SCFD1: variants seen among roughly 807,000 people sequenced by gnomAD.
The protein encoded by SCFD1 is sec1 family domain containing 1.
In SCFD1, 37 loss-of-function variants were observed where a neutral mutation model predicts 103.2. The observed-to-expected ratio is 0.36, with a 90% confidence interval of 0.28 to 0.47. SCFD1 has a LOEUF of 0.47. Among genes scored for constraint, SCFD1 ranks in the 20% least tolerant of loss-of-function variants. The probability of loss-of-function intolerance (pLI) is 1.00; values close to 1 mark genes in which losing one functional copy is unlikely to be tolerated. For missense variants in SCFD1, 639 were observed against 761.2 expected (o/e 0.84, Z 1.89); for synonymous variants, 264 against 245.0 (o/e 1.08, Z -0.73).
At chr14:30,626,403 T>A (rs1324209680) in intron 1 of SCFD1, among the ~76,000 whole-genome samples, 1 of 151,994 alleles carries the variant, frequency 6.6e-6, no homozygotes, top group African/African-American at 2.4e-5. Flanking sequence ...AGCTAGGGAA[T>A]CAAAATGGCC....
intron 11 of SCFD1, among the ~76,000 whole-genome samples, chr14:30,672,403 T>C (rs1297765364): frequency 1.3e-5 from 2 of 152,140 alleles, no homozygotes; most frequent in African/African-American, 4.8e-5. Flanking sequence ...TAGTCTCCAT[T>C]GGATAAAATG....
At position 30,677,827 on chromosome 14, in the gene SCFD1, CTTTTTTTTTTT is replaced by C. The variant is rs58942207; in HGVS notation, c.1242+2783_1242+2793del. ...TGTGAACATACATTCACCTAAGCACCTTTTTTTTTTTTTTTTTTTTTTTTTTTTTTTGAGAC... is the reference window on the plus strand; with the variant it reads ...TGTGAACATACATTCACCTAAGCACCTTTTTTTTTTTTTTTTTTTTGAGAC... On this transcript the variant is annotated intron_variant, in intron 14 of 24. Transcript: ENST00000458591. 2.7e-4 allele frequency among the ~76,000 whole-genome samples: 18 copies of C among 67,514 alleles called. No individual in the cohort carries two copies. The East Asian group carries it at 3.0e-3, about 11-fold the overall frequency. The allele number at this position is 67,514 out of a possible 152,430, so 44.3% of individuals were successfully genotyped here.
chr14:30,649,044 G>A (rs1228085364), intron 7 of SCFD1, among the ~76,000 whole-genome samples: 1 of 150,998 alleles, frequency 6.6e-6, no homozygotes, highest in Non-Finnish European at 1.5e-5. Flanking sequence ...TCAATCCTTT[G>A]GAAAAAATGC....
At chr14:30,646,330 T>G (rs1331040630) in intron 7 of SCFD1, among the ~76,000 whole-genome samples, 1 of 152,188 alleles carries the variant, frequency 6.6e-6, no homozygotes, top group East Asian at 1.9e-4. Context: ...TGAGGGTTTT[T>G]TAAATGAAGT....
intron 3 of SCFD1, among the ~76,000 whole-genome samples, chr14:30,633,062 GA>G (rs1884343068): frequency 6.6e-6 from 1 of 152,156 alleles, no homozygotes; most frequent in African/African-American, 2.4e-5. Flanking sequence ...TAATTTGTAG[GA>G]AACAGTAATT....
intron 16 of SCFD1, among the ~76,000 whole-genome samples, chr14:30,701,145 A>G (rs1232433896): frequency 3.3e-5 from 5 of 152,172 alleles, no homozygotes; most frequent in Non-Finnish European, 5.9e-5. Flanking sequence ...TGCTGTTGTT[A>G]GTATCTGGTA....
rs1892722243 is a variant in SCFD1 at position 30,722,528 on chromosome 14, T to C, written c.1805T>C (p.Ile602Thr). The change falls in exon 23 of 25, where the codon ATT (isoleucine) becomes ACT (threonine). Residue 602 changes from isoleucine (I) to threonine (T), a missense_variant. Physicochemically the swap from Ile to Thr is moderately conservative, Grantham distance 89. Transcript: ENST00000458591. ...IVFVVGGGNY[I>T]EYQNLVDYIK... Reference sequence around the variant, plus strand: ...TTTGTGGTGGGAGGAGGCAACTACATTGAATATCAGAATCTTGTTGACTAC... The same window carrying C: ...TTTGTGGTGGGAGGAGGCAACTACACTGAATATCAGAATCTTGTTGACTAC... The C allele has an allele frequency of 6.2e-7, 1 of 1,604,418 alleles. No individual in the cohort carries two copies. Among genetic ancestry groups the C allele is most frequent in the South Asian group, 1.1e-5 (1 of 89,324 alleles).
chr14:30,690,765 C>T (rs757564728), intron 14 of SCFD1, among the ~76,000 whole-genome samples: 27 of 152,100 alleles, frequency 1.8e-4, no homozygotes, highest in East Asian at 3.9e-4. Context: ...AGAAATCACC[C>T]GTCTTCTGCG....
At chr14:30,683,517 C>A (rs1176304790) in intron 14 of SCFD1, 3 of 298,286 alleles carry the variant, frequency 1.0e-5, no homozygotes, top group Non-Finnish European at 1.9e-5. Context: ...ATGGGACCCC[C>A]AGCGGCACCC....
At chr14:30,628,034 G>A (rs183958694) in intron 1 of SCFD1, among the ~76,000 whole-genome samples, 175 bp from the exon 2 acceptor site, 92 of 152,242 alleles carry the variant, frequency 6.0e-4, no homozygotes, top group African/African-American at 2.0e-3. Context: ...TCAATTAGCT[G>A]TCGATGGAAT....
chr14:30,642,574 A>G (rs1010345615), intron 6 of SCFD1, among the ~76,000 whole-genome samples: 3 of 152,202 alleles, frequency 2.0e-5, no homozygotes, highest in Non-Finnish European at 2.9e-5. Context: ...AGAAATTTAT[A>G]TAACTTAATA....
At chr14:30,714,514 A>G (rs562694567) in intron 19 of SCFD1, among the ~76,000 whole-genome samples, 3 of 152,292 alleles carry the variant, frequency 2.0e-5, no homozygotes, top group Admixed American at 6.5e-5. Context: ...TTTAATTTTA[A>G]TTTTACTTGC....
chr14:30,640,471 A>C (rs538083638), intron 6 of SCFD1, among the ~76,000 whole-genome samples: 1 of 152,300 alleles, frequency 6.6e-6, no homozygotes, highest in Admixed American at 6.5e-5. Context: ...GTTTTCCTTA[A>C]GCCTTTAAAT....
At chr14:30,633,761 C>A (rs1162469364) in intron 3 of SCFD1, among the ~76,000 whole-genome samples, 186 bp from the exon 4 acceptor site, 1 of 152,070 alleles carries the variant, frequency 6.6e-6, no homozygotes, top group East Asian at 1.9e-4. Context: ...AAATTAGGGT[C>A]TTACTAATGC....
intron 23 of SCFD1, among the ~76,000 whole-genome samples, chr14:30,724,855 T>G (rs922097706): frequency 1.3e-5 from 2 of 152,172 alleles, no homozygotes; most frequent in Non-Finnish European, 2.9e-5. Flanking sequence ...CTTGAGTTGA[T>G]TTTTGTATGT....
chr14:30,655,055 C>G (rs1886770905), intron 10 of SCFD1, among the ~76,000 whole-genome samples: 1 of 152,148 alleles, frequency 6.6e-6, no homozygotes, highest in Non-Finnish European at 1.5e-5. Flanking sequence ...GCTTTCCTGT[C>G]TTTCTAGAGC....
intron 10 of SCFD1, among the ~76,000 whole-genome samples, chr14:30,665,448 G>T (rs535955548): frequency 6.6e-6 from 1 of 152,286 alleles, no homozygotes; most frequent in East Asian, 1.9e-4. Flanking sequence ...ATGCCAAATT[G>T]TAAAGACCAT....
intron 12 of SCFD1, 50 bp from the exon 13 acceptor site, chr14:30,673,874 C>T: frequency 7.9e-7 from 1 of 1,261,904 alleles, no homozygotes. Flanking sequence ...GATTTTTATG[C>T]TTGTGCCTGG....
chr14:30,631,238 C>T (rs903875093), intron 3 of SCFD1, among the ~76,000 whole-genome samples: 1 of 152,056 alleles, frequency 6.6e-6, no homozygotes, highest in Non-Finnish European at 1.5e-5. Context: ...ACCTGTAATC[C>T]CAGCTACTTG....
Sources: allele counts gnomAD v4.1 joint callset (sites outside exome capture counted in the v4.1 genomes callset), GRCh38; gene constraint gnomAD v4.1.1; transcripts MANE v1.5; gene names NCBI Gene and HGNC (gene_info 2026-07-23, HGNC 2026-07-21).